Variants in PLEKHF2 observed in about 807,000 individuals in gnomAD.
PLEKHF2 encodes the protein pleckstrin homology domain-containing family F member 2.
PLEKHF2 carries 4 observed loss-of-function variants against 14.7 expected under a neutral mutation model. The observed-to-expected ratio is 0.27, with a 90% CI of 0.13 to 0.62. PLEKHF2 has a LOEUF of 0.62. PLEKHF2 is among the 20% of genes least tolerant of loss of function. The probability of loss-of-function intolerance (pLI) is 0.85; values close to 1 mark genes in which losing one functional copy is unlikely to be tolerated. For missense variants in PLEKHF2, 201 were observed against 307.7 expected (o/e 0.65, Z 2.60); for synonymous variants, 90 against 103.5 (o/e 0.87, Z 0.79).
rs111998521 is a variant in PLEKHF2, at chr8:95,154,868, GCTCT to G, written c.*81_*84del. ...CTTTGGGGGAAATGTAAGATTCTGA[GCTCT>G]CTCTCTGTTTTGTTCTAGCCATGAA... On this transcript the variant is annotated 3_prime_UTR_variant, in exon 2 of 2. Transcript: ENST00000315367. The surrounding 1 kb of genome is among the most constrained non-coding windows in gnomAD (Gnocchi z 5.6). The G allele has an allele frequency of 0.059, 90,984 of 1,532,680 alleles. 3,408 individuals are homozygous for G. The highest frequency in any genetic ancestry group is 0.14 in the African/African-American group (10,220 of 72,634). The allele number at this position is 1,532,680 out of a possible 1,614,324, so 94.9% of individuals were successfully genotyped here. A position where few individuals can be genotyped will look rare whatever the true frequency, so the allele number is the denominator to read the frequency against.
intron 1 of PLEKHF2, among the ~76,000 whole-genome samples, chr8:95,147,609 T>G (rs750410724): frequency 2.6e-5 from 4 of 152,028 alleles, no homozygotes; most frequent in Non-Finnish European, 5.9e-5. Context: ...AGCATTTTGC[T>G]ATTTCATTTT....
At chr8:95,151,212 A>T (rs1036242107) in intron 1 of PLEKHF2, among the ~76,000 whole-genome samples, 34 of 152,178 alleles carry the variant, frequency 2.2e-4, no homozygotes, top group African/African-American at 7.7e-4. Context: ...TCAGAAAATA[A>T]TATGAAAAGC....
chr8:95,155,957 G>A lies in PLEKHF2; in HGVS notation c.*1163G>A, dbSNP rs1181110085. ...ATATTTCTATTTTTGTAAAACAATTGTATGTATAATCTGTATTTGAAATCA... is the reference window on the plus strand; with the variant it reads ...ATATTTCTATTTTTGTAAAACAATTATATGTATAATCTGTATTTGAAATCA... On this transcript the variant is annotated 3_prime_UTR_variant, in exon 2 of 2. Transcript: ENST00000315367. The A allele has an allele frequency of 6.0e-6, 1 of 166,918 alleles. No homozygotes were observed. Among genetic ancestry groups the A allele is most frequent in the African/African-American group, 2.4e-5 (1 of 41,410 alleles). 10.3% of individuals were successfully genotyped at this position (166,918 alleles called of 1,614,324 possible).
intron 1 of PLEKHF2, among the ~76,000 whole-genome samples, chr8:95,152,957 T>G (rs1810578258): frequency 6.6e-6 from 1 of 152,164 alleles, no homozygotes; most frequent in South Asian, 2.1e-4. Context: ...AGGATACAAC[T>G]CTGGGACTTG....
At chr8:95,143,227 G>T (rs987405745) in intron 1 of PLEKHF2, among the ~76,000 whole-genome samples, 2 of 151,716 alleles carry the variant, frequency 1.3e-5, no homozygotes, top group Non-Finnish European at 2.9e-5. Context: ...AGCCTCCCAA[G>T]TAGCTGGGAC....
intron 1 of PLEKHF2, among the ~76,000 whole-genome samples, chr8:95,144,438 A>G (rs1300213871): frequency 6.6e-6 from 1 of 152,194 alleles, no homozygotes; most frequent in East Asian, 1.9e-4. Context: ...TCTTATGGTT[A>G]TTACCATAGA....
intron 1 of PLEKHF2, among the ~76,000 whole-genome samples, chr8:95,137,347 C>G (rs1810387118): frequency 6.6e-6 from 1 of 152,148 alleles, no homozygotes; most frequent in African/African-American, 2.4e-5. Flanking sequence ...AGGGAAGCAG[C>G]CTGTAGGAAT....
intron 1 of PLEKHF2, among the ~76,000 whole-genome samples, chr8:95,143,209 C>T (rs150189600): frequency 0.019 from 2,884 of 151,770 alleles, 86 homozygotes; most frequent in African/African-American, 0.063. Context: ...GCGCCATTCT[C>T]CTGCCTCAGC....
chr8:95,141,971 A>G (rs1810445060), intron 1 of PLEKHF2, among the ~76,000 whole-genome samples: 1 of 152,058 alleles, frequency 6.6e-6, no homozygotes, highest in Non-Finnish European at 1.5e-5. Context: ...TCTCTGTGCC[A>G]TGCCCTCACT....
intron 1 of PLEKHF2, among the ~76,000 whole-genome samples, chr8:95,141,804 T>C (rs1810444014): frequency 6.6e-6 from 1 of 151,744 alleles, no homozygotes. Context: ...CCTTCTAAAA[T>C]GTTGGGGTTA....
intron 1 of PLEKHF2, among the ~76,000 whole-genome samples, chr8:95,140,965 C>T (rs1810433002): frequency 6.6e-6 from 1 of 152,120 alleles, no homozygotes; most frequent in African/African-American, 2.4e-5. Context: ...CAGTTACTCC[C>T]ATGATAATCT....
chr8:95,137,799 G>A (rs1051144589), intron 1 of PLEKHF2, among the ~76,000 whole-genome samples: 2 of 152,230 alleles, frequency 1.3e-5, no homozygotes, highest in Admixed American at 6.6e-5. Context: ...ACAGCAGCCT[G>A]CATGTTGTGA....
rs1810609707 is a variant in PLEKHF2, at chr8:95,155,557, T to C, written c.*763T>C. 1 of 167,200 alleles carries C rather than the reference T, an allele frequency of 6.0e-6. No individual in the cohort carries two copies. The highest frequency in any genetic ancestry group is 2.4e-5 in the African/African-American group (1 of 41,598). 10.4% of individuals were successfully genotyped at this position (167,200 alleles called of 1,614,324 possible). The stretch of plus-strand genomic sequence containing the variant: ...TTGTCAAATATATATTTTAAATTAA[T>C]AAAAGTTGTCATTCTTAGGAATTTG... On this transcript the variant is annotated 3_prime_UTR_variant, in exon 2 of 2. Transcript: ENST00000315367.
chr8:95,155,844 G>C lies in PLEKHF2; in HGVS notation c.*1050G>C, dbSNP rs60768881. 4.8e-5 allele frequency: 8 copies of C among 167,006 alleles called. No individual in the cohort carries two copies. Among genetic ancestry groups the C allele is most frequent in the African/African-American group, 7.2e-5 (3 of 41,440 alleles). 10.3% of individuals were successfully genotyped at this position (167,006 alleles called of 1,614,324 possible). ...TTTAAGTTTGGCTAGACTTCATATCGTGGAAGTATTGTCTATTTCAGTGTG... is the reference window on the plus strand; with the variant it reads ...TTTAAGTTTGGCTAGACTTCATATCCTGGAAGTATTGTCTATTTCAGTGTG... On this transcript the variant is annotated 3_prime_UTR_variant, in exon 2 of 2. Transcript: ENST00000315367.
chr8:95,141,014 A>G (rs1389604468), intron 1 of PLEKHF2, among the ~76,000 whole-genome samples: 7 of 152,160 alleles, frequency 4.6e-5, no homozygotes, highest in Non-Finnish European at 7.3e-5. Flanking sequence ...ATACTTGTCT[A>G]TATAAATATG....
chr8:95,150,117 C>T (rs1810540152), intron 1 of PLEKHF2, among the ~76,000 whole-genome samples: 1 of 152,108 alleles, frequency 6.6e-6, no homozygotes. Flanking sequence ...CTTTTGATAA[C>T]CTCTCTCCAC....
intron 1 of PLEKHF2, among the ~76,000 whole-genome samples, chr8:95,152,374 C>T (rs1360945259): frequency 6.6e-6 from 1 of 152,164 alleles, no homozygotes; most frequent in East Asian, 1.9e-4. Flanking sequence ...GGTGAATACA[C>T]ATATTCTCTG....
chr8:95,145,987 G>C (rs1810496524), intron 1 of PLEKHF2, among the ~76,000 whole-genome samples: 1 of 152,170 alleles, frequency 6.6e-6, no homozygotes, highest in South Asian at 2.1e-4. Flanking sequence ...CCATTCTCCA[G>C]TTGCTTGTTA....
At chr8:95,144,644 A>G (rs1810476111) in intron 1 of PLEKHF2, among the ~76,000 whole-genome samples, 1 of 152,166 alleles carries the variant, frequency 6.6e-6, no homozygotes. Context: ...AGGCGGGTGG[A>G]TCACCTGAGG....
Sources: allele counts gnomAD v4.1 joint callset (sites outside exome capture counted in the v4.1 genomes callset), GRCh38; gene constraint gnomAD v4.1.1; non-coding constraint Gnocchi (gnomAD v3.1); transcripts MANE v1.5; gene names NCBI Gene and HGNC (gene_info 2026-07-23, HGNC 2026-07-21).